The following ATP8A2 variants were observed in gnomAD, a reference collection of about 807,000 sequenced individuals.
ATP8A2 encodes the protein ATPase phospholipid transporting 8A2.
Under a neutral mutation model 165.6 loss-of-function variants are expected in ATP8A2, and 100 were observed. The observed-to-expected ratio is 0.60, with a 90% CI of 0.51 to 0.71. The LOEUF is 0.71. Ranked by LOEUF, ATP8A2 falls within the 30% of genes least tolerant of loss-of-function variation. The probability of loss-of-function intolerance (pLI) is 0.00; values close to 1 mark genes in which losing one functional copy is unlikely to be tolerated. For missense variants in ATP8A2, 1,227 were observed against 1,479.5 expected (o/e 0.83, Z 2.80); for synonymous variants, 543 against 548.8 (o/e 0.99, Z 0.15).
chr13:25,894,349 T>C (rs988135374), intron 33 of ATP8A2, among the ~76,000 whole-genome samples: 4 of 152,228 alleles, frequency 2.6e-5, no homozygotes, highest in Non-Finnish European at 5.9e-5. Context: ...GTTGTAGATA[T>C]GCAGCATTAT....
chr13:25,541,343 C>T lies in ATP8A2; in HGVS notation c.652-576C>T, dbSNP rs149258178. Among the ~76,000 whole-genome samples the T allele has an allele frequency of 3.2e-3, 492 of 152,036 alleles. 6 individuals carry two copies. The highest frequency in any genetic ancestry group is 0.011 in the African/African-American group (445 of 41,468). On this transcript the variant is annotated intron_variant, in intron 8 of 36. Transcript: ENST00000381655. ...AACAGTTACAGCCTGGGCAACATAGCAAGACCCTATCTCTACAAAAAACTT... is the reference window on the plus strand; with the variant it reads ...AACAGTTACAGCCTGGGCAACATAGTAAGACCCTATCTCTACAAAAAACTT...
At chr13:25,939,740 ACAGC>A (rs1331644545) in intron 33 of ATP8A2, among the ~76,000 whole-genome samples, 1 of 152,002 alleles carries the variant, frequency 6.6e-6, no homozygotes, top group Non-Finnish European at 1.5e-5. Context: ...TCCCCGACTC[ACAGC>A]CATCCCTGGT....
intron 2 of ATP8A2, among the ~76,000 whole-genome samples, chr13:25,523,272 C>CTTTTT (rs71077476): frequency 7.4e-6 from 1 of 135,732 alleles, no homozygotes; most frequent in Admixed American, 7.5e-5. Context: ...TTTAGGATAA[C>CTTTTT]TTTTTTTTTT....
At chr13:25,480,551 G>A (rs1236049401) in intron 2 of ATP8A2, among the ~76,000 whole-genome samples, 2 of 146,688 alleles carry the variant, frequency 1.4e-5, no homozygotes, top group Non-Finnish European at 3.0e-5. Flanking sequence ...CCACATCTCA[G>A]AAGATGGGCG....
chr13:25,465,711 CTTT>C (rs2035630600), intron 1 of ATP8A2, among the ~76,000 whole-genome samples: 22 of 21,408 alleles, frequency 1.0e-3, no homozygotes, highest in African/African-American at 2.1e-3. Context: ...TTCTTTCTTT[CTTT>C]CTTTCTTTCT....
chr13:25,529,482 G>A (rs2037960501), intron 2 of ATP8A2, among the ~76,000 whole-genome samples: 1 of 152,176 alleles, frequency 6.6e-6, no homozygotes, highest in Non-Finnish European at 1.5e-5. Context: ...ACTGAAAGAT[G>A]TAAGATTGGG....
At chr13:25,880,293 C>G (rs1952940291) in intron 33 of ATP8A2, among the ~76,000 whole-genome samples, 1 of 148,428 alleles carries the variant, frequency 6.7e-6, no homozygotes, top group South Asian at 2.1e-4. Context: ...GCAAACTTTG[C>G]TTTTTGTGAA....
intron 2 of ATP8A2, among the ~76,000 whole-genome samples, chr13:25,525,381 C>G (rs1280150793): frequency 6.6e-6 from 1 of 152,090 alleles, no homozygotes; most frequent in Non-Finnish European, 1.5e-5. Context: ...TGTCTATATG[C>G]TTAATTTTAC....
chr13:25,790,388 C>T (rs889748137), intron 27 of ATP8A2, among the ~76,000 whole-genome samples: 1 of 152,006 alleles, frequency 6.6e-6, no homozygotes, highest in Non-Finnish European at 1.5e-5. Flanking sequence ...AAAAAAAGAA[C>T]AACCCCATTA....
intron 30 of ATP8A2, among the ~76,000 whole-genome samples, chr13:25,855,201 A>G (rs892819807): frequency 4.6e-5 from 7 of 151,768 alleles, no homozygotes; most frequent in Non-Finnish European, 1.0e-4. Flanking sequence ...CAGTGAGCAG[A>G]GATCAAGCCA....
At chr13:25,928,028 A>G (rs180909385) in intron 33 of ATP8A2, among the ~76,000 whole-genome samples, 2 of 152,358 alleles carry the variant, frequency 1.3e-5, no homozygotes, top group East Asian at 3.9e-4. Flanking sequence ...AAAAATAAAC[A>G]TCCTAGACTA....
chr13:25,869,858 C>G (rs1483157884), intron 33 of ATP8A2, among the ~76,000 whole-genome samples: 1 of 152,168 alleles, frequency 6.6e-6, no homozygotes, highest in East Asian at 1.9e-4. Flanking sequence ...GCATGTGTTA[C>G]AGGGTACTCT....
intron 30 of ATP8A2, among the ~76,000 whole-genome samples, chr13:25,842,475 C>G (rs1220471664): frequency 1.3e-5 from 2 of 152,066 alleles, no homozygotes; most frequent in African/African-American, 4.8e-5. Flanking sequence ...AGTTCGAGAC[C>G]AGCCTGGCCA....
chr13:25,600,493 G>C (rs1016803743), intron 24 of ATP8A2, among the ~76,000 whole-genome samples: 1 of 152,196 alleles, frequency 6.6e-6, no homozygotes, highest in African/African-American at 2.4e-5. Flanking sequence ...AGGTGCTTGT[G>C]AAATTATTGG....
chr13:25,890,664 T>C (rs1176306115), intron 33 of ATP8A2, among the ~76,000 whole-genome samples: 2 of 152,192 alleles, frequency 1.3e-5, no homozygotes, highest in Non-Finnish European at 1.5e-5. Context: ...ACAGACTGAT[T>C]TTGAGCATAA....
chr13:25,514,964 T>C (rs1278779514), intron 2 of ATP8A2, among the ~76,000 whole-genome samples: 2 of 152,084 alleles, frequency 1.3e-5, no homozygotes. Flanking sequence ...AGTTGAACAT[T>C]ATTCTGAGTG....
In ATP8A2 at chr13:26,025,182, C is replaced by T. The variant is rs554944883; in HGVS notation, c.*5197C>T. The T allele has an allele frequency of 7.3e-5, 11 of 151,100 alleles. No individual in the cohort carries two copies. The East Asian group carries it at 2.2e-3, about 30-fold the overall frequency. The allele number at this position is 151,100 out of a possible 1,614,324, so 9.4% of individuals were successfully genotyped here. A position where few individuals can be genotyped will look rare whatever the true frequency, so the allele number is the denominator to read the frequency against. On this transcript the variant is annotated 3_prime_UTR_variant, in exon 37 of 37. Transcript: ENST00000381655. ...AAACCAGCCCTGTCATGGAATTTCT[C>T]TCCTTCCCTGCACAGTAAAGACTTT...
intron 15 of ATP8A2, among the ~76,000 whole-genome samples, chr13:25,560,638 T>C (rs577090721): frequency 4.1e-4 from 58 of 142,540 alleles, no homozygotes; most frequent in African/African-American, 1.5e-3. Context: ...GGGCAGAGGT[T>C]GCAGTGAGCC....
At chr13:25,943,098 T>C (rs1955115539) in intron 33 of ATP8A2, among the ~76,000 whole-genome samples, 1 of 152,050 alleles carries the variant, frequency 6.6e-6, no homozygotes, top group Admixed American at 6.5e-5. Flanking sequence ...AACGAGAGCA[T>C]GCGCCTCCAG....
Sources: gnomAD v4.1 joint callset for allele counts (sites outside exome capture counted in the v4.1 genomes callset) on GRCh38, gnomAD v4.1.1 for gene constraint, MANE v1.5 for transcripts, NCBI Gene and HGNC (gene_info 2026-07-23, HGNC 2026-07-21) for gene names.